The following IFT25 variants were observed in gnomAD, a reference collection of about 807,000 sequenced individuals.
IFT25 encodes intraflagellar transport protein 25 homolog.
the IFT25 span, chr1:53,946,112 T>G: frequency 6.6e-6 from 1 of 151,928 alleles, no homozygotes; most frequent in African/African-American, 2.4e-5. Context: ...ACCACTCCTG[T>G]GCGCCTTTCC....
chr1:53,932,333 C>CAAA, the IFT25 span, among the ~76,000 whole-genome samples: 1 of 131,054 alleles, frequency 7.6e-6, no homozygotes, highest in African/African-American at 2.7e-5. Context: ...AACTCCATCT[C>CAAA]AAAAAAAAAA....
At chr1:53,928,254 G>T in the IFT25 span, 1 of 773,476 alleles carries the variant, frequency 1.3e-6, no homozygotes, top group Non-Finnish European at 2.2e-6. Context: ...CCCTAAATGT[G>T]TCACAAGGAT....
chr1:53,935,751 G>T, the IFT25 span, among the ~76,000 whole-genome samples: 1 of 151,882 alleles, frequency 6.6e-6, no homozygotes, highest in African/African-American at 2.4e-5. Context: ...GGGATTATAG[G>T]TGTGAACCAC....
the IFT25 span, among the ~76,000 whole-genome samples, chr1:53,924,271 CCT>C: frequency 2.0e-5 from 3 of 152,064 alleles, no homozygotes; most frequent in South Asian, 6.2e-4. Flanking sequence ...AAAAAATCCC[CCT>C]TTCAAGAAAA....
At chr1:53,924,285 A>G in the IFT25 span, among the ~76,000 whole-genome samples, 1 of 152,210 alleles carries the variant, frequency 6.6e-6, no homozygotes, top group Non-Finnish European at 1.5e-5. Flanking sequence ...TCAAGAAAAA[A>G]AAGTGAACAT....
the IFT25 span, among the ~76,000 whole-genome samples, chr1:53,938,209 C>G: frequency 6.6e-6 from 1 of 152,042 alleles, no homozygotes; most frequent in Non-Finnish European, 1.5e-5. Context: ...AATTATAAAG[C>G]CCTATGCAAA....
chr1:53,917,672 C>T, the IFT25 span, among the ~76,000 whole-genome samples: 1 of 151,740 alleles, frequency 6.6e-6, no homozygotes, highest in Non-Finnish European at 1.5e-5. Flanking sequence ...ACTAAAAATA[C>T]AAAAATTGGC....
chr1:53,933,925 C>T, the IFT25 span, among the ~76,000 whole-genome samples: 1 of 151,902 alleles, frequency 6.6e-6, no homozygotes, highest in African/African-American at 2.4e-5. Context: ...ACATAAAAAC[C>T]TCATGATAGT....
At chr1:53,934,152 C>T in the IFT25 span, among the ~76,000 whole-genome samples, 13,149 of 152,066 alleles carry the variant, frequency 0.086, 605 homozygotes, top group Middle Eastern at 0.12. Flanking sequence ...AATATTATAC[C>T]TCTTCAACCT....
the IFT25 span, chr1:53,940,161 G>A: frequency 6.0e-4 from 485 of 805,068 alleles, 4 homozygotes; most frequent in African/African-American, 7.4e-3. Context: ...CTGAGAAAAC[G>A]AAGTGAGAAG....
At chr1:53,935,920 TGAACATAACCAATA>T in the IFT25 span, among the ~76,000 whole-genome samples, 1 of 152,170 alleles carries the variant, frequency 6.6e-6, no homozygotes, top group Non-Finnish European at 1.5e-5. Flanking sequence ...ATGCTTTCAA[TGAACATAACCAATA>T]GAATAACATA....
the IFT25 span, among the ~76,000 whole-genome samples, chr1:53,933,771 G>C: frequency 2.0e-5 from 3 of 151,922 alleles, no homozygotes; most frequent in Non-Finnish European, 4.4e-5. Flanking sequence ...ATTCATTTTT[G>C]TCTCTCCCTC....
chr1:53,935,687 T>C, the IFT25 span, among the ~76,000 whole-genome samples: 1 of 151,542 alleles, frequency 6.6e-6, no homozygotes, highest in African/African-American at 2.4e-5. Flanking sequence ...TGGAGTACAG[T>C]GGCACAAACT....
chr1:53,924,811 T>C, the IFT25 span, among the ~76,000 whole-genome samples: 1 of 152,188 alleles, frequency 6.6e-6, no homozygotes, highest in Non-Finnish European at 1.5e-5. Flanking sequence ...CACTCCAGCC[T>C]GGGTGACAGG....
At chr1:53,930,184 T>C in the IFT25 span, 1 of 1,511,474 alleles carries the variant, frequency 6.6e-7, no homozygotes, top group Non-Finnish European at 8.8e-7. Context: ...AATAGCCAAA[T>C]ATAAATGGTT....
the IFT25 span, among the ~76,000 whole-genome samples, chr1:53,931,387 C>T: frequency 3.9e-5 from 6 of 152,100 alleles, no homozygotes; most frequent in East Asian, 1.9e-4. Flanking sequence ...TACTATTTTG[C>T]GCTCCATTTT....
the IFT25 span, among the ~76,000 whole-genome samples, chr1:53,942,075 G>A: frequency 6.6e-6 from 1 of 152,156 alleles, no homozygotes; most frequent in African/African-American, 2.4e-5. Context: ...GATGCACAAA[G>A]TATGCTTATC....
chr1:53,945,671 G>A, the IFT25 span: 1 of 152,022 alleles, frequency 6.6e-6, no homozygotes, highest in African/African-American at 2.4e-5. Context: ...GGCCTCCGTG[G>A]AGTCCGGGGT....
chr1:53,936,622 A>C, the IFT25 span, among the ~76,000 whole-genome samples: 1 of 152,058 alleles, frequency 6.6e-6, no homozygotes, highest in East Asian at 1.9e-4. Context: ...TATTATCCCC[A>C]TTTTTCAGAT....
Sources: gnomAD v4.1 joint callset for allele counts (sites outside exome capture counted in the v4.1 genomes callset) on GRCh38, gnomAD v4.1.1 for gene constraint, MANE v1.5 for transcripts, NCBI Gene and HGNC (gene_info 2026-07-23, HGNC 2026-07-21) for gene names.